Variants in MARCHF1 observed in about 807,000 individuals in gnomAD.
MARCHF1 encodes the protein E3 ubiquitin-protein ligase MARCHF1.
In MARCHF1, 40 loss-of-function variants were observed where a neutral mutation model predicts 54.2. The ratio of observed to expected loss-of-function variants is 0.74; its 90% CI spans 0.57 to 0.96. The LOEUF is 0.96. Among genes scored for constraint, MARCHF1 ranks in the 40% least tolerant of loss-of-function variants. MARCHF1 has a pLI of 0.00. For missense variants in MARCHF1, 586 were observed against 656.5 expected, an observed-to-expected ratio of 0.89 and a Z score of 1.17; for synonymous variants, 236 against 236.3, an observed-to-expected ratio of 1.00 and a Z score of 0.01.
chr4:164,202,993 AAGAGAG>A (rs113576749), intron 1 of MARCHF1, among the ~76,000 whole-genome samples: 3 of 149,562 alleles, frequency 2.0e-5, no homozygotes, highest in Admixed American at 6.7e-5. Flanking sequence ...GAAAGGGAGA[AAGAGAG>A]AGAGAGAGAG....
chr4:163,977,363 C>A (rs141440012), intron 3 of MARCHF1, among the ~76,000 whole-genome samples: 1 of 152,016 alleles, frequency 6.6e-6, no homozygotes, highest in African/African-American at 2.4e-5. Context: ...GCTTAAGGCA[C>A]CTGGGGGGAA....
chr4:164,090,409 A>G (rs1356576896), intron 2 of MARCHF1, among the ~76,000 whole-genome samples: 1 of 152,100 alleles, frequency 6.6e-6, no homozygotes, highest in Non-Finnish European at 1.5e-5. Context: ...AAATATTTTT[A>G]TTGTATTTGT....
intron 5 of MARCHF1, among the ~76,000 whole-genome samples, chr4:163,670,384 G>GTCTA (rs1458064267): frequency 2.5e-4 from 27 of 107,172 alleles, no homozygotes; most frequent in Middle Eastern, 4.5e-3. Flanking sequence ...CTATCTATCT[G>GTCTA]TCTGTCTATC....
intron 2 of MARCHF1, among the ~76,000 whole-genome samples, chr4:164,037,859 G>C (rs1754042446): frequency 6.6e-6 from 1 of 152,186 alleles, no homozygotes. Context: ...ATTACACTGT[G>C]TGAACAAAAG....
chr4:163,813,584 T>C (rs983641374), intron 4 of MARCHF1, among the ~76,000 whole-genome samples: 6 of 152,204 alleles, frequency 3.9e-5, no homozygotes, highest in Non-Finnish European at 7.3e-5. Flanking sequence ...TATCTGCTCA[T>C]ATTTGAATAC....
intron 1 of MARCHF1, among the ~76,000 whole-genome samples, chr4:164,356,234 A>G (rs1730527722): frequency 8.8e-6 from 1 of 113,720 alleles, no homozygotes; most frequent in African/African-American, 2.9e-5. Flanking sequence ...TAGAACTAGA[A>G]ATACCATTTG....
chr4:163,887,766 C>T (rs1750571668), intron 3 of MARCHF1, among the ~76,000 whole-genome samples: 2 of 152,048 alleles, frequency 1.3e-5, no homozygotes, highest in Non-Finnish European at 2.9e-5. Flanking sequence ...CATCTTTAGT[C>T]CTTTATTTTC....
At chr4:163,655,534 A>C (rs1020357370) in intron 5 of MARCHF1, among the ~76,000 whole-genome samples, 6 of 151,816 alleles carry the variant, frequency 4.0e-5, no homozygotes, top group African/African-American at 1.2e-4. Context: ...TAGAACTTGA[A>C]CTCAGCCCTG....
intron 3 of MARCHF1, among the ~76,000 whole-genome samples, chr4:163,916,265 A>G (rs550758157): frequency 6.6e-6 from 1 of 152,194 alleles, no homozygotes; most frequent in Non-Finnish European, 1.5e-5. Context: ...AGGGATCTCC[A>G]CAATTTATTA....
At position 163,749,305 on chromosome 4, in the gene MARCHF1, TTTTTTG is replaced by T. The variant is rs535784181; in HGVS notation, c.112-48448_112-48443del. On this transcript the variant is annotated intron_variant, in intron 4 of 9. Transcript: ENST00000514618. ...TTTCTAGTATTGCTTTTTTTTTCTG[TTTTTTG>T]TTTTTGTTTTTGTTTTTGTTTTTTT... Among the ~76,000 whole-genome samples the T allele has an allele frequency of 4.8e-3, 722 of 151,972 alleles. 2 individuals are homozygous for T. Among genetic ancestry groups the T allele is most frequent in the African/African-American group, 8.4e-3 (347 of 41,388 alleles).
intron 3 of MARCHF1, among the ~76,000 whole-genome samples, chr4:163,910,623 T>C (rs192827846): frequency 8.5e-5 from 13 of 152,288 alleles, no homozygotes; most frequent in African/African-American, 3.1e-4. Flanking sequence ...GCCTCATGAG[T>C]AGCTGGGATT....
At chr4:164,176,978 C>CTATATATA (rs1225209896) in intron 1 of MARCHF1, among the ~76,000 whole-genome samples, 17 of 38,874 alleles carry the variant, frequency 4.4e-4, no homozygotes, top group East Asian at 6.1e-4. Context: ...CTCTCTCTCT[C>CTATATATA]TCTATATATA....
intron 3 of MARCHF1, among the ~76,000 whole-genome samples, chr4:163,965,703 C>T (rs984325748): frequency 6.6e-6 from 1 of 152,076 alleles, no homozygotes; most frequent in African/African-American, 2.4e-5. Flanking sequence ...AAGATTATAA[C>T]ACTGTATAGT....
intron 2 of MARCHF1, among the ~76,000 whole-genome samples, chr4:164,036,952 G>A (rs546950775): frequency 6.6e-6 from 1 of 152,172 alleles, no homozygotes; most frequent in African/African-American, 2.4e-5. Flanking sequence ...TGTCAGCAAT[G>A]AAGTTGATTG....
At chr4:164,136,461 A>G (rs993811412) in intron 1 of MARCHF1, among the ~76,000 whole-genome samples, 1 of 152,068 alleles carries the variant, frequency 6.6e-6, no homozygotes, top group Non-Finnish European at 1.5e-5. Context: ...CCAGATATGT[A>G]TAACACTGCT....
intron 3 of MARCHF1, among the ~76,000 whole-genome samples, chr4:163,931,634 A>G (rs1204037498): frequency 6.6e-6 from 1 of 152,216 alleles, no homozygotes; most frequent in African/African-American, 2.4e-5. Context: ...CTACCAGGCT[A>G]TGGTATTTGT....
chr4:163,741,469 G>C (rs1292868105), intron 4 of MARCHF1, among the ~76,000 whole-genome samples: 1 of 152,026 alleles, frequency 6.6e-6, no homozygotes, highest in Non-Finnish European at 1.5e-5. Context: ...TGTAATCCCA[G>C]CTACTCAGGA....
At chr4:164,295,581 G>A (rs1037809117) in intron 1 of MARCHF1, among the ~76,000 whole-genome samples, 1 of 152,118 alleles carries the variant, frequency 6.6e-6, no homozygotes, top group Non-Finnish European at 1.5e-5. Flanking sequence ...GTTTAATGTG[G>A]GAGCATAATA....
intron 4 of MARCHF1, among the ~76,000 whole-genome samples, chr4:163,753,584 T>C (rs988040529): frequency 2.0e-5 from 3 of 152,124 alleles, no homozygotes; most frequent in Non-Finnish European, 4.4e-5. Context: ...CCTTAAACTC[T>C]GAGCCTTACT....
Sources: allele counts gnomAD v4.1 joint callset (sites outside exome capture counted in the v4.1 genomes callset), GRCh38; gene constraint gnomAD v4.1.1; transcripts MANE v1.5; gene names NCBI Gene and HGNC (gene_info 2026-07-23, HGNC 2026-07-21).